Variants in EDA observed in about 807,000 individuals in gnomAD.
The protein encoded by EDA is ectodysplasin-A.
Under a neutral mutation model 23.6 loss-of-function variants are expected in EDA, and 2 were observed. The observed-to-expected ratio is 0.08, with a 90% CI of 0.03 to 0.27. EDA has a LOEUF of 0.27. Among genes scored for constraint, EDA ranks in the 10% least tolerant of loss-of-function variants. The probability of loss-of-function intolerance (pLI) is 1.00; values close to 1 mark genes in which losing one functional copy is unlikely to be tolerated. For missense variants in EDA, 229 were observed against 324.2 expected, an observed-to-expected ratio of 0.71 and a Z score of 2.26; for synonymous variants, 131 against 132.0, an observed-to-expected ratio of 0.99 and a Z score of 0.05.
chrX:69,771,181 C>A (rs370729343), intron 1 of EDA, among the ~76,000 whole-genome samples: 5 of 110,343 alleles, frequency 4.5e-5, no homozygotes, highest in South Asian at 3.9e-4. Flanking sequence ...CTCAGCCCCC[C>A]CAAGTCGCTG....
At chrX:69,798,076 G>A (rs2147482047) in intron 1 of EDA, among the ~76,000 whole-genome samples, 1 of 111,281 alleles carries the variant, frequency 9.0e-6, no homozygotes, top group Admixed American at 9.5e-5. Flanking sequence ...AAAAGGCAAA[G>A]TCACTATAAA....
intron 1 of EDA, among the ~76,000 whole-genome samples, chrX:69,774,849 GATATC>G (rs2014735793): frequency 1.8e-5 from 2 of 111,092 alleles, no homozygotes; most frequent in South Asian, 7.7e-4. Flanking sequence ...CAACTGAGTG[GATATC>G]TTTATTCCTC....
intron 1 of EDA, among the ~76,000 whole-genome samples, chrX:69,737,811 G>C (rs1352631069): frequency 9.3e-6 from 1 of 107,400 alleles, no homozygotes; most frequent in Non-Finnish European, 1.9e-5. Context: ...AAAGAGTTCA[G>C]CTTTGAAAAA....
chrX:69,631,636 CT>C lies in EDA; in HGVS notation c.396+14943del, dbSNP rs774563547. ...CCCCCTGTTAAAATCTTTTTTTTTT[CT>C]TTTTTTTTTTGTGGTAGAATACTCC... On this transcript the variant is annotated intron_variant, in intron 1 of 7. Coordinates refer to ENST00000374552, the MANE Select transcript of EDA (RefSeq NM_001399.5). Among the ~76,000 whole-genome samples, 627 of 94,468 alleles carry C rather than the reference CT, an allele frequency of 6.6e-3. 7 individuals carry two copies. Among genetic ancestry groups the C allele is most frequent in the African/African-American group, 0.021 (567 of 26,846 alleles). 82.0% of individuals were successfully genotyped at this position (94,468 alleles called of 115,157 possible). A position where few individuals can be genotyped will look rare whatever the true frequency, so the allele number is the denominator to read the frequency against.
At chrX:69,819,909 A>C (rs1569342660) in intron 1 of EDA, among the ~76,000 whole-genome samples, 3 of 102,530 alleles carry the variant, frequency 2.9e-5, no homozygotes, top group Non-Finnish European at 6.0e-5. Context: ...AAAAAAAAAA[A>C]AAAACAAAAA....
At chrX:69,658,602 A>T (rs1238017940) in intron 1 of EDA, among the ~76,000 whole-genome samples, 1 of 111,250 alleles carries the variant, frequency 9.0e-6, no homozygotes, top group Admixed American at 9.7e-5. Context: ...AACTCTCAAC[A>T]TCACTGCCCA....
chrX:69,799,827 C>G (rs866890551), intron 1 of EDA, among the ~76,000 whole-genome samples: 1 of 83,981 alleles, frequency 1.2e-5, no homozygotes, highest in Non-Finnish European at 2.6e-5. Context: ...AAAAAAAAAG[C>G]TAAAAATAGA....
In EDA at chrX:69,616,679, A is replaced by G. The variant is rs751470511; in HGVS notation, c.371A>G (p.His124Arg). The G allele has an allele frequency of 1.5e-5, 18 of 1,209,846 alleles. No individual in the cohort carries two copies. The South Asian group carries it at 3.2e-4, about 21-fold the overall frequency. The change falls in exon 1 of 8, where the codon CAC becomes CGC. Residue 124 changes from histidine to arginine, a missense_variant. By Grantham distance (29) the His-to-Arg change is conservative. This residue lies in a region of EDA where 175 missense variants were observed against 281.8 expected (regional missense o/e 0.62). Coordinates refer to ENST00000374552, the MANE Select transcript of EDA (RefSeq NM_001399.5). ...TTGGAACCGGGAGAAGCCGCACTCC[A>G]CTCTGACTCCCAGGACGGGCACCAG... ...QPLEPGEAALHSDSQDGHQMA... is the reference protein window; with the variant it reads ...QPLEPGEAALRSDSQDGHQMA...
chrX:69,723,854 T>C (rs1402786811), intron 1 of EDA, among the ~76,000 whole-genome samples: 1 of 111,210 alleles, frequency 9.0e-6, no homozygotes, highest in Non-Finnish European at 1.9e-5. Context: ...TTTCACCTAT[T>C]ATTTTTAGCA....
intron 2 of EDA, among the ~76,000 whole-genome samples, chrX:69,957,671 T>A (rs934791482): frequency 9.0e-6 from 1 of 110,768 alleles, no homozygotes; most frequent in Non-Finnish European, 1.9e-5. Context: ...CCTTTCTCAG[T>A]ATGTCTGAGA....
At chrX:69,709,498 A>G (rs1276123890) in intron 1 of EDA, among the ~76,000 whole-genome samples, 4 of 111,690 alleles carry the variant, frequency 3.6e-5, no homozygotes, top group Non-Finnish European at 1.9e-5. Flanking sequence ...ACCGTCAAAT[A>G]CTTTCCTAAA....
chrX:69,769,717 C>A (rs1263388770), intron 1 of EDA, among the ~76,000 whole-genome samples: 1 of 110,995 alleles, frequency 9.0e-6, no homozygotes, highest in East Asian at 2.8e-4. Context: ...ATAGCACACA[C>A]AACAAGAAAA....
intron 1 of EDA, among the ~76,000 whole-genome samples, chrX:69,842,307 G>A (rs2016912227): frequency 8.9e-6 from 1 of 112,045 alleles, no homozygotes; most frequent in African/African-American, 3.2e-5. Flanking sequence ...ATATGGGACT[G>A]TCTAGTTGCA....
intron 1 of EDA, among the ~76,000 whole-genome samples, chrX:69,758,132 A>T (rs1371270207): frequency 8.9e-6 from 1 of 112,368 alleles, no homozygotes; most frequent in Non-Finnish European, 1.9e-5. Flanking sequence ...CTACTACTAC[A>T]TGTGCTCCTC....
intron 1 of EDA, among the ~76,000 whole-genome samples, chrX:69,688,303 A>T (rs1934606894): frequency 8.9e-6 from 1 of 112,100 alleles, no homozygotes; most frequent in African/African-American, 3.2e-5. Context: ...CTTTCATAGA[A>T]GAGGTGATAC....
chrX:69,906,465 G>A (rs1461974884), intron 1 of EDA, among the ~76,000 whole-genome samples: 1 of 112,339 alleles, frequency 8.9e-6, no homozygotes, highest in African/African-American at 3.2e-5. Flanking sequence ...TGAGATGATG[G>A]TGTGAAAGTA....
At chrX:69,662,695 T>G (rs1410670729) in intron 1 of EDA, among the ~76,000 whole-genome samples, 1 of 111,828 alleles carries the variant, frequency 8.9e-6, no homozygotes, top group African/African-American at 3.2e-5. Flanking sequence ...TCAGAAGAAG[T>G]CAGGAAAATA....
chrX:70,005,088 C>T lies in EDA; in HGVS notation c.503-18130C>T, dbSNP rs1048604188. 3.6e-5 allele frequency among the ~76,000 whole-genome samples: 4 copies of T among 111,288 alleles called. No homozygotes were observed. In the South Asian group the frequency reaches 1.5e-3, roughly 42 times the overall value. The stretch of plus-strand genomic sequence containing the variant: ...TCCAGCCTGAGCCACAGAGCAAGAC[C>T]ATGTATCAGGAAAAAAAGGTGGGGG... On this transcript the variant is annotated intron_variant, in intron 2 of 7. Transcript: ENST00000374552.
intron 2 of EDA, among the ~76,000 whole-genome samples, chrX:70,014,154 G>A (rs1189078769): frequency 8.9e-6 from 1 of 111,987 alleles, no homozygotes; most frequent in Non-Finnish European, 1.9e-5. Context: ...GAGATCTACA[G>A]CCAGCACTCA....
Sources: gnomAD v4.1 joint callset for allele counts (sites outside exome capture counted in the v4.1 genomes callset) on GRCh38, gnomAD v4.1.1 for gene constraint, gnomAD v4.1.1 regional missense constraint, MANE v1.5 for transcripts, NCBI Gene and HGNC (gene_info 2026-07-23, HGNC 2026-07-21) for gene names.